The following SYS1 variants were observed in gnomAD, a reference collection of about 807,000 sequenced individuals.
The protein encoded by SYS1 is protein SYS1 homolog.
In SYS1, 8 loss-of-function variants were observed where a neutral mutation model predicts 17.8. The observed-to-expected ratio is 0.45, with a 90% CI of 0.26 to 0.81. SYS1 has a LOEUF of 0.81. SYS1 is among the 40% of genes least tolerant of loss of function. The probability of loss-of-function intolerance (pLI) is 0.16; values close to 1 mark genes in which losing one functional copy is unlikely to be tolerated. For synonymous variants in SYS1, 95 were observed against 90.9 expected (o/e 1.05, Z -0.26); for missense variants, 161 against 203.9 (o/e 0.79, Z 1.28).
Position 45,368,061 on chromosome 20 carries a change from T to C in SYS1, c.*946T>C, listed in dbSNP as rs1988475280. The C allele has an allele frequency of 2.0e-6, 2 of 985,550 alleles. No homozygotes were observed. The highest frequency in any genetic ancestry group is 2.4e-6 in the Non-Finnish European group (2 of 830,016). The allele number at this position is 985,550 out of a possible 1,614,324, so 61.1% of individuals were successfully genotyped here. A position where few individuals can be genotyped will look rare whatever the true frequency, so the allele number is the denominator to read the frequency against. On this transcript the variant is annotated 3_prime_UTR_variant, in exon 4 of 4. Coordinates refer to ENST00000243918, the MANE Select transcript of SYS1 (RefSeq NM_033542.4). ...TTTTTCTTTGGGGTGGAGTTTCCTCTGTGAGGGGCTTGCAGCTATCCTTCC... is the reference window on the plus strand; with the variant it reads ...TTTTTCTTTGGGGTGGAGTTTCCTCCGTGAGGGGCTTGCAGCTATCCTTCC...
rs551819899 is a variant in SYS1, at chr20:45,367,906, A to G, written c.*791A>G. The G allele has an allele frequency of 2.0e-4, 199 of 985,442 alleles. No homozygotes were observed. The highest frequency in any genetic ancestry group is 5.2e-4 in the Middle Eastern group (1 of 1,914). The allele number at this position is 985,442 out of a possible 1,614,324, so 61.0% of individuals were successfully genotyped here. ...GGCACCCAGCTCCCACTGGACTCCA[A>G]TTTTTTTTCCTGCCTTATTTAGAAT... On this transcript the variant is annotated 3_prime_UTR_variant, in exon 4 of 4. Coordinates refer to ENST00000243918, the MANE Select transcript of SYS1 (RefSeq NM_033542.4).
At chr20:45,373,975 T>G, downstream of SYS1, 4 of 1,614,076 alleles carry the variant, frequency 2.5e-6, no homozygotes, top group Non-Finnish European at 3.4e-6. Flanking sequence ...CTCCACCCTC[T>G]GCTCGCACCT....
chr20:45,374,138 G>A, downstream of SYS1: 1 of 832,874 alleles, frequency 1.2e-6, no homozygotes, highest in South Asian at 1.4e-5. Context: ...TGCTAAAAAG[G>A]AAAAGCCTCC....
At chr20:45,366,824 C>A in intron 3 of SYS1, 51 bp from the exon 4 acceptor site, 2 of 1,520,416 alleles carry the variant, frequency 1.3e-6, no homozygotes, top group Non-Finnish European at 9.1e-7. Flanking sequence ...TCCCAAATAA[C>A]CTAAGGCCAG....
chr20:45,373,852 C>A (rs900612188), downstream of SYS1: 1 of 1,549,274 alleles, frequency 6.5e-7, no homozygotes, highest in African/African-American at 1.4e-5. Flanking sequence ...CCTTCCCAGC[C>A]CCAGACAAAC....
In SYS1 at chr20:45,368,849, A is replaced by G. The variant is rs1255803142; in HGVS notation, c.*1734A>G. 3 of 985,196 alleles carry G rather than the reference A, an allele frequency of 3.0e-6. No individual in the cohort carries two copies. The highest frequency in any genetic ancestry group is 1.7e-5 in the African/African-American group (1 of 57,168). The allele number at this position is 985,196 out of a possible 1,614,324, so 61.0% of individuals were successfully genotyped here. Reference sequence around the variant, plus strand: ...GAACACCCATCATGTGGCTGCTGTCACCCTTGACCAGCCGTGGTGGTGGTT... The same window carrying G: ...GAACACCCATCATGTGGCTGCTGTCGCCCTTGACCAGCCGTGGTGGTGGTT... On this transcript the variant is annotated 3_prime_UTR_variant, in exon 4 of 4. Transcript: ENST00000243918.
upstream of SYS1, chr20:45,363,123 C>G: frequency 9.9e-7 from 1 of 1,014,614 alleles, no homozygotes; most frequent in Non-Finnish European, 1.2e-6. Flanking sequence ...CAACCTCAGC[C>G]CCGCCCCTCC....
intron 2 of SYS1, chr20:45,365,101 G>A: frequency 4.2e-6 from 1 of 236,484 alleles, no homozygotes; most frequent in South Asian, 5.3e-5. Flanking sequence ...TTGTTGAAGA[G>A]CCATATGATG....
At position 45,363,194 on chromosome 20, in the gene SYS1, A is replaced by C. The variant is rs1056386333; in HGVS notation, c.-125A>C. ...CCGCTCCTGCCGCCGTGGTCGCTGG[A>C]GCTTTGCCTCTCTAGGCCGGCAGCG... On this transcript the variant is annotated 5_prime_UTR_variant, in exon 1 of 4. Coordinates refer to ENST00000243918, the MANE Select transcript of SYS1 (RefSeq NM_033542.4). 25 of 1,064,372 alleles carry C rather than the reference A, an allele frequency of 2.3e-5. No individual in the cohort carries two copies. The highest frequency in any genetic ancestry group is 5.1e-5 in the Admixed American group (1 of 19,484). The allele number at this position is 1,064,372 out of a possible 1,614,324, so 65.9% of individuals were successfully genotyped here. A position where few individuals can be genotyped will look rare whatever the true frequency, so the allele number is the denominator to read the frequency against.
At chr20:45,366,659 G>A (rs559608692) in intron 3 of SYS1, among the ~76,000 whole-genome samples, 16 of 152,278 alleles carry the variant, frequency 1.1e-4, no homozygotes, top group Admixed American at 2.0e-4. Context: ...GGATCCCCTA[G>A]TGACAATTGC....
exon 4 of SYS1, chr20:45,374,863 G>T: frequency 1.3e-6 from 1 of 793,802 alleles, no homozygotes; most frequent in Non-Finnish European, 2.0e-6. Flanking sequence ...CTACCCTTCT[G>T]TATGATGTTG....
In SYS1 at chr20:45,363,456, T is replaced by C. The variant is rs951328535; in HGVS notation, c.-3-73T>C. The C allele has an allele frequency of 2.7e-5, 40 of 1,505,828 alleles. 1 individual carries two copies. The South Asian group carries it at 4.4e-4, about 16-fold the overall frequency. 93.3% of individuals were successfully genotyped at this position (1,505,828 alleles called of 1,614,324 possible). A position where few individuals can be genotyped will look rare whatever the true frequency, so the allele number is the denominator to read the frequency against. ...GAATGGGCTCACCCCTTGGTTCCAG[T>C]CCCTCCTCCCGGGCGGGGCGACGTT... On this transcript the variant is annotated intron_variant, in intron 1 of 3. Coordinates refer to ENST00000243918, the MANE Select transcript of SYS1 (RefSeq NM_033542.4).
chr20:45,370,428 A>G (rs1988537430), downstream of SYS1, among the ~76,000 whole-genome samples: 1 of 152,218 alleles, frequency 6.6e-6, no homozygotes, highest in South Asian at 2.1e-4. Context: ...AGACTCCTAC[A>G]TAGCTGATGG....
downstream of SYS1, among the ~76,000 whole-genome samples, chr20:45,372,147 G>T (rs973405926): frequency 6.6e-6 from 1 of 152,254 alleles, no homozygotes; most frequent in African/African-American, 2.4e-5. Flanking sequence ...GAGGGTGGTA[G>T]TGGGGAGACC....
chr20:45,375,711 G>A lies in SYS1; in HGVS notation c.*1417G>A, dbSNP rs553172143. On this transcript the variant is annotated 3_prime_UTR_variant, in exon 4 of 4. Coordinates refer to the SYS1 transcript ENST00000426004. ...CAGAGGCCTTGTGCTGGTGTGAGGA[G>A]GTGTGATGAGCACTAGCAGAGGGAT... 72 of 830,580 alleles carry A rather than the reference G, an allele frequency of 8.7e-5. No individual in the cohort carries two copies. In the African/African-American group the frequency reaches 1.1e-3, roughly 12 times the overall value. The allele number at this position is 830,580 out of a possible 1,614,324, so 51.5% of individuals were successfully genotyped here.
chr20:45,363,033 C>A, upstream of SYS1: 2 of 871,864 alleles, frequency 2.3e-6, no homozygotes, highest in Non-Finnish European at 2.8e-6. Flanking sequence ...CTTCCTTCTG[C>A]GCATGTGCTC....
intron 2 of SYS1, among the ~76,000 whole-genome samples, chr20:45,364,653 A>G (rs942082907): frequency 6.6e-6 from 1 of 151,294 alleles, no homozygotes; most frequent in African/African-American, 2.4e-5. Context: ...TTGTATTTTT[A>G]GTAGAGACGG....
chr20:45,365,276 T>C (rs1232419904), intron 2 of SYS1: 6 of 390,958 alleles, frequency 1.5e-5, no homozygotes, highest in Non-Finnish European at 2.9e-5. Flanking sequence ...TAAAACCTTA[T>C]GTACAGGAGC....
chr20:45,362,436 G>A (rs1988252965), upstream of SYS1, among the ~76,000 whole-genome samples: 1 of 151,944 alleles, frequency 6.6e-6, no homozygotes, highest in Non-Finnish European at 1.5e-5. Flanking sequence ...GCGTGATCTC[G>A]GCTCACTGCA....
Sources: allele counts gnomAD v4.1 joint callset (sites outside exome capture counted in the v4.1 genomes callset), GRCh38; gene constraint gnomAD v4.1.1; transcripts MANE v1.5; gene names NCBI Gene and HGNC (gene_info 2026-07-23, HGNC 2026-07-21).